The following ANKS1B variants were observed in gnomAD, a reference collection of about 807,000 sequenced individuals.
The protein encoded by ANKS1B is ankyrin repeat and sterile alpha motif domain containing 1B, also known as ankyrin repeat and sterile alpha motif domain-containing protein 1B.
ANKS1B carries 36 observed loss-of-function variants against 148.3 expected under a neutral mutation model. The observed-to-expected ratio is 0.24, with a 90% CI of 0.19 to 0.32. The LOEUF (loss-of-function observed/expected upper bound fraction) is 0.32, where lower values mean the gene tolerates loss of function less well. Ranked by LOEUF, ANKS1B falls within the 10% of genes least tolerant of loss-of-function variation. The pLI, the probability that ANKS1B is intolerant of heterozygous loss-of-function variation, is 1.00. For synonymous variants in ANKS1B, 542 were observed against 560.8 expected, an observed-to-expected ratio of 0.97 and a Z score of 0.47; for missense variants, 1,157 against 1,542.6, an observed-to-expected ratio of 0.75 and a Z score of 4.19.
chr12:99,075,869 GTAT>G (rs2047701544), intron 16 of ANKS1B, among the ~76,000 whole-genome samples: 1 of 147,662 alleles, frequency 6.8e-6, no homozygotes, highest in South Asian at 2.1e-4. Flanking sequence ...CTATACATTT[GTAT>G]TATAAAATAT....
At chr12:99,316,833 A>C (rs148219798) in intron 12 of ANKS1B, among the ~76,000 whole-genome samples, 3 of 152,234 alleles carry the variant, frequency 2.0e-5, no homozygotes, top group African/African-American at 7.2e-5. Flanking sequence ...ATCTATCTTG[A>C]ATTAATTTTT....
chr12:99,450,625 C>T (rs1238018457), intron 10 of ANKS1B, among the ~76,000 whole-genome samples: 1 of 152,132 alleles, frequency 6.6e-6, no homozygotes, highest in Non-Finnish European at 1.5e-5. Flanking sequence ...CTTCTGAATC[C>T]ATGAGCTATA....
intron 15 of ANKS1B, among the ~76,000 whole-genome samples, chr12:99,101,214 G>C (rs926589694): frequency 6.6e-6 from 1 of 152,264 alleles, no homozygotes; most frequent in South Asian, 2.1e-4. Context: ...TTTATGCCTG[G>C]AAGGGAGATG....
At chr12:99,646,250 T>C (rs1171067749) in intron 9 of ANKS1B, among the ~76,000 whole-genome samples, 1 of 152,180 alleles carries the variant, frequency 6.6e-6, no homozygotes, top group African/African-American at 2.4e-5. Flanking sequence ...AAAAGTGCTA[T>C]TGATATGTGA....
At chr12:99,609,156 G>C (rs886370103) in intron 9 of ANKS1B, among the ~76,000 whole-genome samples, 9 of 152,026 alleles carry the variant, frequency 5.9e-5, no homozygotes, top group African/African-American at 2.2e-4. Context: ...GGATCCAACA[G>C]AGAAACTCAG....
chr12:99,779,890 C>T lies in ANKS1B; in HGVS notation c.828G>A (p.Gln276=), dbSNP rs1286517229. The part of the protein sequence containing the change: ...LKEHPSQKSL[Q]IATLLQEYLE... ...GTTTACCTTGTAAGAGTGTTGCAAT[C>T]TGGAGAGATTTCTGAGATGGATGTT... The change falls in exon 6 of 27, where the codon CAG becomes CAA. Residue 276 remains glutamine (Q), a synonymous_variant. Coordinates refer to ENST00000683438, the MANE Select transcript of ANKS1B (RefSeq NM_001352186.2). The T allele has an allele frequency of 4.3e-6, 7 of 1,612,948 alleles. No homozygotes were observed. The East Asian group carries it at 1.3e-4, about 31-fold the overall frequency.
chr12:98,903,660 A>T (rs1054757661), intron 17 of ANKS1B, among the ~76,000 whole-genome samples: 1 of 152,244 alleles, frequency 6.6e-6, no homozygotes, highest in Non-Finnish European at 1.5e-5. Flanking sequence ...TTTATCTCTT[A>T]TATGAGCCAA....
rs1272315867 is a variant in ANKS1B, at chr12:98,801,919, C to T, written c.3142-794G>A. 6.6e-6 allele frequency among the ~76,000 whole-genome samples: 1 copy of T among 152,214 alleles called. No individual in the cohort carries two copies. On this transcript the variant is annotated intron_variant, in intron 20 of 26. Transcript: ENST00000683438. This position sits in a 1 kb window ranked among gnomAD's most constrained non-coding sequence, Gnocchi z 5.2. ...TTATCATTTTCCATGAGGTTAGCCTCAACCTGTTTCATCAGTATAATAGCT... is the reference window on the plus strand; with the variant it reads ...TTATCATTTTCCATGAGGTTAGCCTTAACCTGTTTCATCAGTATAATAGCT...
intron 9 of ANKS1B, among the ~76,000 whole-genome samples, chr12:99,652,294 G>T (rs2098425505): frequency 1.3e-5 from 2 of 151,956 alleles, no homozygotes; most frequent in Admixed American, 6.6e-5. Flanking sequence ...CCAATATTGT[G>T]AAATGCCGTC....
chr12:99,668,340 C>A (rs1046615999), intron 8 of ANKS1B, among the ~76,000 whole-genome samples: 8 of 151,776 alleles, frequency 5.3e-5, no homozygotes, highest in African/African-American at 1.9e-4. Flanking sequence ...CCTTTTATTT[C>A]TATTGGCTGT....
chr12:99,731,734 T>C (rs1299153916), intron 8 of ANKS1B, among the ~76,000 whole-genome samples: 1 of 152,170 alleles, frequency 6.6e-6, no homozygotes, highest in Non-Finnish European at 1.5e-5. Flanking sequence ...AAGAATTATT[T>C]GTAATTTTGG....
At chr12:99,155,109 A>C (rs2075856771) in intron 14 of ANKS1B, 2 of 1,512,138 alleles carry the variant, frequency 1.3e-6, no homozygotes, top group East Asian at 4.9e-5. Flanking sequence ...TTGTTGTGGA[A>C]TTTTACGTTT....
chr12:99,313,006 C>T (rs1214221541), intron 12 of ANKS1B, among the ~76,000 whole-genome samples: 1 of 151,748 alleles, frequency 6.6e-6, no homozygotes, highest in Non-Finnish European at 1.5e-5. Context: ...AAAAAATTAA[C>T]AAAATAGATA....
Position 99,157,020 on chromosome 12 carries a change from T to A in ANKS1B, c.2420-2625A>T, listed in dbSNP as rs78371469. ...GATTTTTTCATGTCTGTCTTTTAGCTCATCATCCTCATCCACTTTTTGAAT... is the reference window on the plus strand; with the variant it reads ...GATTTTTTCATGTCTGTCTTTTAGCACATCATCCTCATCCACTTTTTGAAT... On this transcript the variant is annotated intron_variant, in intron 14 of 26. Transcript: ENST00000683438. Among the ~76,000 whole-genome samples the A allele has an allele frequency of 3.9e-3, 599 of 152,348 alleles. 26 individuals are homozygous for A. In the East Asian group the frequency reaches 0.084, roughly 21 times the overall value.
intron 14 of ANKS1B, among the ~76,000 whole-genome samples, chr12:99,208,429 A>G (rs1381554183): frequency 6.6e-6 from 1 of 152,170 alleles, no homozygotes; most frequent in Admixed American, 6.6e-5. Context: ...AACTTTGGGA[A>G]AACCTCAAAG....
intron 17 of ANKS1B, among the ~76,000 whole-genome samples, chr12:99,008,571 G>A (rs2099937506): frequency 6.6e-6 from 1 of 152,128 alleles, no homozygotes; most frequent in African/African-American, 2.4e-5. Flanking sequence ...AGCCACTCGG[G>A]ACTTTCTTGC....
chr12:98,905,536 G>A (rs1412622091), intron 17 of ANKS1B, among the ~76,000 whole-genome samples: 4 of 152,124 alleles, frequency 2.6e-5, no homozygotes, highest in South Asian at 4.2e-4. Context: ...TTGCGGGGCC[G>A]AGGTGGGAGG....
chr12:99,914,735 A>C (rs1255072552), intron 1 of ANKS1B, among the ~76,000 whole-genome samples: 1 of 152,042 alleles, frequency 6.6e-6, no homozygotes, highest in Non-Finnish European at 1.5e-5. Flanking sequence ...GGGGGTGTAC[A>C]TGAGACCACT....
intron 15 of ANKS1B, among the ~76,000 whole-genome samples, chr12:99,107,101 T>G (rs938612133): frequency 1.3e-4 from 19 of 151,910 alleles, no homozygotes; most frequent in Non-Finnish European, 2.5e-4. Context: ...ACAATTAATA[T>G]AGTGAAAATA....
Sources: gnomAD v4.1 joint callset for allele counts (sites outside exome capture counted in the v4.1 genomes callset) on GRCh38, gnomAD v4.1.1 for gene constraint, Gnocchi (gnomAD v3.1) non-coding constraint, MANE v1.5 for transcripts, NCBI Gene and HGNC (gene_info 2026-07-23, HGNC 2026-07-21) for gene names.